The following CCDC102B variants were observed in gnomAD, a reference collection of about 807,000 sequenced individuals.
CCDC102B encodes coiled-coil domain containing 102B, also known as coiled-coil domain-containing protein 102B.
A neutral mutation model predicts 57.4 loss-of-function variants in CCDC102B; 75 were observed. The observed-to-expected ratio is 1.31, with a 90% confidence interval of 1.08 to 1.58. CCDC102B has a LOEUF of 1.58. CCDC102B is among the 40% of genes most tolerant of loss of function. The pLI, the probability that CCDC102B is intolerant of heterozygous loss-of-function variation, is 0.00. For missense variants in CCDC102B, 636 were observed against 582.6 expected, an observed-to-expected ratio of 1.09 and a Z score of -0.94; for synonymous variants, 206 against 201.9, an observed-to-expected ratio of 1.02 and a Z score of -0.17.
intron 6 of CCDC102B, among the ~76,000 whole-genome samples, chr18:68,973,674 T>C (rs1391016174): frequency 6.6e-6 from 1 of 152,142 alleles, no homozygotes; most frequent in African/African-American, 2.4e-5. Flanking sequence ...TTTTTTCTTG[T>C]AAAATATCAT....
intron 2 of CCDC102B, among the ~76,000 whole-genome samples, chr18:68,735,648 C>G (rs28682452): frequency 0.17 from 25,661 of 152,092 alleles, 2,656 homozygotes; most frequent in African/African-American, 0.29. Flanking sequence ...GAAAACCCAA[C>G]TCCTCACACA....
intron 6 of CCDC102B, among the ~76,000 whole-genome samples, chr18:68,959,040 T>C (rs1254525138): frequency 6.6e-6 from 1 of 152,190 alleles, no homozygotes; most frequent in East Asian, 1.9e-4. Flanking sequence ...TCATGTTTTC[T>C]TGGATTGTCT....
intron 5 of CCDC102B, among the ~76,000 whole-genome samples, chr18:68,886,469 T>C (rs1359725191): frequency 6.6e-6 from 1 of 152,178 alleles, no homozygotes; most frequent in Non-Finnish European, 1.5e-5. Context: ...GAACCCATTG[T>C]TGAACTCAAT....
intron 1 of CCDC102B, among the ~76,000 whole-genome samples, chr18:68,826,577 T>C (rs542429699): frequency 6.6e-6 from 1 of 152,224 alleles, no homozygotes; most frequent in East Asian, 1.9e-4. Flanking sequence ...AGGAAGGGAA[T>C]TAGACAAGGC....
intron 1 of CCDC102B, among the ~76,000 whole-genome samples, chr18:68,811,474 G>A (rs902222966): frequency 1.3e-5 from 2 of 152,246 alleles, no homozygotes; most frequent in Non-Finnish European, 2.9e-5. Flanking sequence ...AATTAGCTGG[G>A]TGTGGTGGCG....
intron 4 of CCDC102B, among the ~76,000 whole-genome samples, chr18:68,869,296 G>A (rs1292793752): frequency 6.6e-6 from 1 of 152,154 alleles, no homozygotes; most frequent in Non-Finnish European, 1.5e-5. Context: ...ACAGAGAAAA[G>A]GGAAAACTGC....
At chr18:68,917,288 A>T (rs2041107718) in intron 6 of CCDC102B, among the ~76,000 whole-genome samples, 1 of 151,986 alleles carries the variant, frequency 6.6e-6, no homozygotes, top group Non-Finnish European at 1.5e-5. Flanking sequence ...GTCTGTGTTG[A>T]CAGAGCCACA....
Position 68,897,423 on chromosome 18 carries a change from A to C in CCDC102B, c.1258A>C (p.Asn420His), listed in dbSNP as rs200801072. The change falls in exon 6 of 8, where the codon AAC becomes CAC. Residue 420 changes from asparagine (N) to histidine (H), a missense_variant. By Grantham distance (68) the Asn-to-His change is moderately conservative (BLOSUM62 1). Coordinates refer to ENST00000360242, the MANE Select transcript of CCDC102B (RefSeq NM_024781.3). ...GTCACAAATTGATCTGCAAGAAAAA[A>C]ACCAGGTATGGGTGCTCCTTGGAGC... ...KMSQIDLQEK[N>H]QELLNLQHAY... The C allele has an allele frequency of 2.2e-4, 350 of 1,610,532 alleles. 1 individual carries two copies. The highest frequency in any genetic ancestry group is 2.9e-4 in the Non-Finnish European group (342 of 1,178,424).
In CCDC102B at chr18:69,006,032, T is replaced by C. The variant is rs181377253; in HGVS notation, c.1264-4902T>C. ...TCCAAAATATGAATATATGACATAG[T>C]AATTATGTATTTTTTTTACCATTAA... On this transcript the variant is annotated intron_variant, in intron 6 of 7. Transcript: ENST00000360242. Among the ~76,000 whole-genome samples, 327 of 152,216 alleles carry C rather than the reference T, an allele frequency of 2.1e-3. 1 individual carries two copies. The highest frequency in any genetic ancestry group is 3.8e-3 in the Non-Finnish European group (257 of 67,982).
At chr18:68,858,410 T>A (rs1030444223) in intron 4 of CCDC102B, among the ~76,000 whole-genome samples, 1 of 152,190 alleles carries the variant, frequency 6.6e-6, no homozygotes, top group Admixed American at 6.5e-5. Context: ...TTGTTGAAAT[T>A]CTTGGATCTC....
intron 1 of CCDC102B, among the ~76,000 whole-genome samples, chr18:68,833,941 T>A (rs967797343): frequency 6.6e-6 from 1 of 152,182 alleles, no homozygotes; most frequent in Non-Finnish European, 1.5e-5. Context: ...GGCCCTGTCC[T>A]ACAACCACTG....
chr18:68,781,412 T>G (rs1280232255), intron 2 of CCDC102B, among the ~76,000 whole-genome samples: 1 of 152,106 alleles, frequency 6.6e-6, no homozygotes, highest in Non-Finnish European at 1.5e-5. Flanking sequence ...TTTATTAGAT[T>G]AGTTATTTTC....
At chr18:68,724,200 C>A (rs753440444) in intron 2 of CCDC102B, among the ~76,000 whole-genome samples, 1 of 152,176 alleles carries the variant, frequency 6.6e-6, no homozygotes, top group Admixed American at 6.5e-5. Context: ...ATAGAGCTGG[C>A]GGGCCCTAAG....
chr18:68,823,248 A>G (rs1467673548), intron 1 of CCDC102B: 1 of 152,258 alleles, frequency 6.6e-6, no homozygotes, highest in Non-Finnish European at 1.5e-5. Flanking sequence ...GAGCATTGCA[A>G]TCGGGGCTCT....
intron 2 of CCDC102B, among the ~76,000 whole-genome samples, chr18:68,761,073 T>C (rs1290827590): frequency 1.3e-5 from 2 of 152,080 alleles, no homozygotes; most frequent in Admixed American, 1.3e-4. Context: ...GAGTACACCC[T>C]TCTATGGCTT....
chr18:68,743,817 T>A (rs2033507871), intron 2 of CCDC102B, among the ~76,000 whole-genome samples: 1 of 152,212 alleles, frequency 6.6e-6, no homozygotes, highest in Admixed American at 6.5e-5. Context: ...GTCTGTCTGA[T>A]TATTTAGAAG....
In CCDC102B at chr18:68,933,232, A is replaced by G. The variant is rs576286512; in HGVS notation, c.1263+35804A>G. Among the ~76,000 whole-genome samples, 255 of 151,974 alleles carry G rather than the reference A, an allele frequency of 1.7e-3. 3 individuals carry two copies. Among genetic ancestry groups the G allele is most frequent in the African/African-American group, 5.9e-3 (244 of 41,526 alleles). On this transcript the variant is annotated intron_variant, in intron 6 of 7. Transcript: ENST00000360242. ...GAACCAGGGCTGGCTGACTCTAACA[A>G]TGACTCCAGCACAAATCTGAATTGT...
At chr18:68,961,100 T>G (rs2050037057) in intron 6 of CCDC102B, among the ~76,000 whole-genome samples, 1 of 152,124 alleles carries the variant, frequency 6.6e-6, no homozygotes, top group South Asian at 2.1e-4. Flanking sequence ...ATAATAAACA[T>G]TTTATTTATG....
chr18:68,933,581 G>A (rs902006161), intron 6 of CCDC102B, among the ~76,000 whole-genome samples: 13 of 151,704 alleles, frequency 8.6e-5, no homozygotes, highest in African/African-American at 3.1e-4. Flanking sequence ...GTCTATTATT[G>A]TTCATTGTGG....
Sources: gnomAD v4.1 joint callset for allele counts (sites outside exome capture counted in the v4.1 genomes callset) on GRCh38, gnomAD v4.1.1 for gene constraint, MANE v1.5 for transcripts, NCBI Gene and HGNC (gene_info 2026-07-23, HGNC 2026-07-21) for gene names.